The following DBF4 variants were observed in gnomAD, a reference collection of about 807,000 sequenced individuals.
DBF4 encodes the protein protein DBF4 homolog A.
A neutral mutation model predicts 76.6 loss-of-function variants in DBF4; 25 were observed. The ratio of observed to expected loss-of-function variants is 0.33; its 90% CI spans 0.24 to 0.46. The LOEUF (loss-of-function observed/expected upper bound fraction) is 0.46. Ranked by LOEUF, DBF4 falls within the 20% of genes least tolerant of loss-of-function variation. The pLI, the probability that DBF4 is intolerant of heterozygous loss-of-function variation, is 1.00. For missense variants in DBF4, 638 were observed against 760.8 expected, an observed-to-expected ratio of 0.84 and a Z score of 1.90; for synonymous variants, 213 against 258.0, an observed-to-expected ratio of 0.83 and a Z score of 1.67.
At chr7:87,876,909 G>A in intron 1 of DBF4, 131 bp downstream of exon 1, 2 of 960,114 alleles carry the variant, frequency 2.1e-6, no homozygotes, top group Admixed American at 2.2e-5. Flanking sequence ...GGGGTCTGAA[G>A]GAAGGAGCCC....
intron 7 of DBF4, among the ~76,000 whole-genome samples, chr7:87,896,934 A>G (rs1209454103): frequency 6.6e-6 from 1 of 152,236 alleles, no homozygotes; most frequent in Non-Finnish European, 1.5e-5. Context: ...TATTAGCATC[A>G]AAGTCGCAGG....
At chr7:87,899,804 G>A (rs747343134) in intron 8 of DBF4, among the ~76,000 whole-genome samples, 6 of 152,154 alleles carry the variant, frequency 3.9e-5, no homozygotes, top group African/African-American at 7.2e-5. Flanking sequence ...AAGCATCTAC[G>A]TTAGTCAAAC....
rs1420157584 is a variant in DBF4 at position 87,876,634 on chromosome 7, G to A, written c.-99G>A. ...AGGCCGTAGCTGGCGGAAGGAGAGA[G>A]GCGGCCGTCCTGTCAACAGGCCGGG... On this transcript the variant is annotated 5_prime_UTR_variant, in exon 1 of 12. Transcript: ENST00000265728. 4.4e-6 allele frequency: 6 copies of A among 1,353,052 alleles called. No homozygotes were observed. The highest frequency in any genetic ancestry group is 6.2e-6 in the Non-Finnish European group (6 of 964,520). 83.8% of individuals were successfully genotyped at this position (1,353,052 alleles called of 1,614,324 possible). A position where few individuals can be genotyped will look rare whatever the true frequency, so the allele number is the denominator to read the frequency against.
At chr7:87,893,562 T>G (rs1331529794) in intron 6 of DBF4, among the ~76,000 whole-genome samples, 1 of 152,198 alleles carries the variant, frequency 6.6e-6, no homozygotes, top group Non-Finnish European at 1.5e-5. Context: ...GTCTTCCTGG[T>G]GAATTGACCC....
intron 7 of DBF4, 29 bp downstream of exon 7, chr7:87,896,539 T>C: frequency 1.3e-6 from 2 of 1,597,620 alleles, no homozygotes; most frequent in Non-Finnish European, 1.7e-6. Context: ...TTAAGTGTAT[T>C]TGGTTTGCAT....
chr7:87,888,776 A>G (rs559363110), intron 6 of DBF4, among the ~76,000 whole-genome samples: 1 of 152,226 alleles, frequency 6.6e-6, no homozygotes, highest in African/African-American at 2.4e-5. Flanking sequence ...TCATTTTGAT[A>G]CTTTTTAAAC....
At chr7:87,879,951 CAAAAAA>C (rs78858917) in intron 2 of DBF4, among the ~76,000 whole-genome samples, 1 of 100,456 alleles carries the variant, frequency 1.0e-5, no homozygotes, top group African/African-American at 3.3e-5. Flanking sequence ...ACCCTATGTC[CAAAAAA>C]AAAAAAAAAA....
Position 87,900,255 on chromosome 7 carries a change from A to G in DBF4, c.715A>G (p.Met239Val). Residue 239 changes from methionine (M) to valine (V), a missense_variant, in exon 9 of 12, where the codon ATG (methionine) becomes GTG (valine). Transcript: ENST00000265728. ...YRPFYLQLTN[M>V]PFINYSIQKP... ...GCCATTTTATCTTCAGCTGACCAAT[A>G]TGCCTTTTATAAATTATTCTATTCA... 1 of 1,601,456 alleles carries G rather than the reference A, an allele frequency of 6.2e-7. No individual in the cohort carries two copies. The highest frequency in any genetic ancestry group is 1.1e-5 in the South Asian group (1 of 89,866).
At position 87,878,241 on chromosome 7, in the gene DBF4, A is replaced by T. The variant is rs774874289; in HGVS notation, c.219+16A>T. On this transcript the variant is annotated intron_variant, in intron 2 of 11. Coordinates refer to ENST00000265728, the MANE Select transcript of DBF4 (RefSeq NM_006716.4). ...TCTGGGAGGGGTAAGTGAAAACCGT[A>T]CACTGGCATAGAAGGAAAAATTTGT... 1 of 1,588,298 alleles carries T rather than the reference A, an allele frequency of 6.3e-7. No individual in the cohort carries two copies. Among genetic ancestry groups the T allele is most frequent in the Non-Finnish European group, 8.5e-7 (1 of 1,169,966 alleles).
At position 87,876,650 on chromosome 7, in the gene DBF4, A is replaced by G; in HGVS notation, c.-83A>G. 1.3e-6 allele frequency: 2 copies of G among 1,521,418 alleles called. No homozygotes were observed. The highest frequency in any genetic ancestry group is 1.8e-6 in the Non-Finnish European group (2 of 1,108,998). The allele number at this position is 1,521,418 out of a possible 1,614,324, so 94.2% of individuals were successfully genotyped here. ...AAGGAGAGAGGCGGCCGTCCTGTCA[A>G]CAGGCCGGGGGAAGCCGTGCTTTCG... is the stretch of plus-strand genomic sequence containing the variant. On this transcript the variant is annotated 5_prime_UTR_variant, in exon 1 of 12. Transcript: ENST00000265728.
chr7:87,897,463 T>A lies in DBF4; in HGVS notation c.680+124T>A, dbSNP rs1046211812. ...TTGTGTTTGATTTATATTATACTAA[T>A]GTGCATGCGGCACAAGTTAACGAAA... On this transcript the variant is annotated intron_variant, in intron 8 of 11. Transcript: ENST00000265728. The A allele has an allele frequency of 7.6e-6, 6 of 792,454 alleles. No homozygotes were observed. In the Admixed American group the frequency reaches 1.3e-4, roughly 18 times the overall value. 49.1% of individuals were successfully genotyped at this position (792,454 alleles called of 1,614,324 possible). A position where few individuals can be genotyped will look rare whatever the true frequency, so the allele number is the denominator to read the frequency against.
At chr7:87,902,198 G>A (rs943233658) in intron 10 of DBF4, among the ~76,000 whole-genome samples, 9 of 152,178 alleles carry the variant, frequency 5.9e-5, no homozygotes, top group African/African-American at 1.7e-4. Context: ...ATTGTTCAGT[G>A]GTTGCCACAA....
At chr7:87,877,121 C>G (rs542836859) in intron 1 of DBF4, among the ~76,000 whole-genome samples, 5 of 152,212 alleles carry the variant, frequency 3.3e-5, no homozygotes, top group Non-Finnish European at 2.9e-5. Context: ...CCGCCCGGGC[C>G]CTTGGAGGCG....
chr7:87,894,177 T>C (rs1265380233), intron 6 of DBF4, among the ~76,000 whole-genome samples: 2 of 152,224 alleles, frequency 1.3e-5, no homozygotes, highest in Non-Finnish European at 2.9e-5. Context: ...ATTTTAGGGC[T>C]GGGCCTGGTG....
chr7:87,903,596 G>A (rs74766406), intron 10 of DBF4, among the ~76,000 whole-genome samples: 25,847 of 151,520 alleles, frequency 0.17, 2,369 homozygotes, highest in Admixed American at 0.25. Context: ...TATTCTATAA[G>A]CTCTGCCTTA....
Position 87,908,753 on chromosome 7 carries a change from A to C in DBF4, c.*590A>C, listed in dbSNP as rs1443516861. 1 of 141,086 alleles carries C rather than the reference A, an allele frequency of 7.1e-6. No homozygotes were observed. Among genetic ancestry groups the C allele is most frequent in the Non-Finnish European group, 1.5e-5 (1 of 66,658 alleles). The allele number at this position is 141,086 out of a possible 1,614,324, so 8.7% of individuals were successfully genotyped here. On this transcript the variant is annotated 3_prime_UTR_variant, in exon 12 of 12. Coordinates refer to ENST00000265728, the MANE Select transcript of DBF4 (RefSeq NM_006716.4). ...CCAAGTGGAATATAATTTATCTGCT[A>C]TTTTTAATTACTTACCTTGTAAATA... is the stretch of plus-strand genomic sequence containing the variant.
At chr7:87,890,614 G>A (rs1024928098) in intron 6 of DBF4, among the ~76,000 whole-genome samples, 14 of 152,230 alleles carry the variant, frequency 9.2e-5, no homozygotes, top group African/African-American at 3.1e-4. Flanking sequence ...TTCAAGGCCT[G>A]GCTTAAGGCA....
intron 8 of DBF4, among the ~76,000 whole-genome samples, chr7:87,898,226 A>G (rs1839688156): frequency 6.6e-6 from 1 of 152,194 alleles, no homozygotes; most frequent in Non-Finnish European, 1.5e-5. Flanking sequence ...AAGTGTATTG[A>G]AAACTGCTTT....
chr7:87,906,213 T>A (rs568733816), intron 11 of DBF4, among the ~76,000 whole-genome samples: 2 of 152,126 alleles, frequency 1.3e-5, no homozygotes, highest in African/African-American at 4.8e-5. Flanking sequence ...TATAATTCCC[T>A]AAAAACTCAG....
Sources: gnomAD v4.1 joint callset for allele counts (sites outside exome capture counted in the v4.1 genomes callset) on GRCh38, gnomAD v4.1.1 for gene constraint, MANE v1.5 for transcripts, NCBI Gene and HGNC (gene_info 2026-07-23, HGNC 2026-07-21) for gene names.